The following RFX3 variants were observed in gnomAD, a reference collection of about 807,000 sequenced individuals.
The protein encoded by RFX3 is regulatory factor X3.
RFX3 carries 14 observed loss-of-function variants against 98.6 expected under a neutral mutation model. The observed-to-expected ratio is 0.14, with a 90% CI of 0.09 to 0.22. RFX3 has a LOEUF of 0.22. RFX3 is among the 10% of genes least tolerant of loss of function. The probability of loss-of-function intolerance (pLI) is 1.00; values close to 1 mark genes in which losing one functional copy is unlikely to be tolerated. For synonymous variants in RFX3, 383 were observed against 328.4 expected (o/e 1.17, Z -1.80); for missense variants, 639 against 926.9 (o/e 0.69, Z 4.03).
At chr9:3,260,883 T>A (rs1822790566) in intron 13 of RFX3, among the ~76,000 whole-genome samples, 2 of 149,946 alleles carry the variant, frequency 1.3e-5, no homozygotes. Context: ...ATATCTAATA[T>A]AAAATATTAG....
chr9:3,269,111 GC>G (rs1278583140), intron 11 of RFX3, among the ~76,000 whole-genome samples: 2 of 151,894 alleles, frequency 1.3e-5, no homozygotes, highest in African/African-American at 4.8e-5. Context: ...CAGGAAACTT[GC>G]TGTAGGTAGA....
chr9:3,507,603 T>A (rs551120848), intron 1 of RFX3, among the ~76,000 whole-genome samples: 37 of 151,890 alleles, frequency 2.4e-4, no homozygotes, highest in African/African-American at 8.7e-4. Flanking sequence ...TCCGTAACCA[T>A]GGGGAATTGG....
chr9:3,405,666 C>CT (rs1180348224), intron 1 of RFX3, among the ~76,000 whole-genome samples: 9 of 152,128 alleles, frequency 5.9e-5, no homozygotes, highest in African/African-American at 2.2e-4. Context: ...AGCCAGATTT[C>CT]TTTTTTTCTC....
At chr9:3,292,797 C>T (rs1827556968) in intron 6 of RFX3, among the ~76,000 whole-genome samples, 1 of 152,078 alleles carries the variant, frequency 6.6e-6, no homozygotes, top group South Asian at 2.1e-4. Flanking sequence ...ATATGCAAAT[C>T]TTGCATTAAC....
chr9:3,398,920 A>AT (rs200180688), intron 1 of RFX3, among the ~76,000 whole-genome samples: 3 of 146,852 alleles, frequency 2.0e-5, no homozygotes, highest in African/African-American at 7.7e-5. Context: ...ATAATAAAAA[A>AT]AAAAAAAAAA....
intron 12 of RFX3, among the ~76,000 whole-genome samples, chr9:3,264,702 A>G (rs1224981102): frequency 6.6e-6 from 1 of 152,228 alleles, no homozygotes; most frequent in Non-Finnish European, 1.5e-5. Flanking sequence ...TTTGATTCCA[A>G]AAGCCACAGT....
chr9:3,457,139 CAAAA>C (rs1169959832), intron 1 of RFX3, among the ~76,000 whole-genome samples: 7 of 22,798 alleles, frequency 3.1e-4, no homozygotes, highest in African/African-American at 1.2e-3. Context: ...GACTCCATCT[CAAAA>C]AAAAAAAAAA....
chr9:3,344,974 C>A, intron 3 of RFX3: 2 of 613,704 alleles, frequency 3.3e-6, no homozygotes, highest in South Asian at 3.9e-5. Flanking sequence ...AATTTACTGA[C>A]TTTATTATGT....
At chr9:3,226,449 T>G (rs373229492) in intron 16 of RFX3, among the ~76,000 whole-genome samples, 20 of 152,246 alleles carry the variant, frequency 1.3e-4, no homozygotes, top group African/African-American at 4.8e-4. Context: ...GGCTGTACAG[T>G]GTACAGCCAC....
At chr9:3,420,712 A>G (rs1687472012) in intron 1 of RFX3, 1 of 877,524 alleles carries the variant, frequency 1.1e-6, no homozygotes. Flanking sequence ...AAAGTCAGGA[A>G]TTATTTCTAT....
chr9:3,460,315 G>C (rs1261935556), intron 1 of RFX3, among the ~76,000 whole-genome samples: 1 of 152,096 alleles, frequency 6.6e-6, no homozygotes, highest in Non-Finnish European at 1.5e-5. Context: ...ATTTTCTTAT[G>C]AGATGCAAAT....
chr9:3,487,280 A>T (rs1234130218), intron 1 of RFX3, among the ~76,000 whole-genome samples: 2 of 152,240 alleles, frequency 1.3e-5, no homozygotes, highest in African/African-American at 4.8e-5. Flanking sequence ...CTGTACAAAG[A>T]ATGAGGATAT....
chr9:3,438,908 GATT>G (rs1464545910), intron 1 of RFX3, among the ~76,000 whole-genome samples: 1 of 151,830 alleles, frequency 6.6e-6, no homozygotes, highest in Admixed American at 6.6e-5. Flanking sequence ...CAGAAACCAA[GATT>G]TATAATATTC....
intron 1 of RFX3, among the ~76,000 whole-genome samples, chr9:3,521,584 T>C (rs1818715319): frequency 6.6e-6 from 1 of 152,186 alleles, no homozygotes; most frequent in South Asian, 2.1e-4. Flanking sequence ...AAAGTGAACC[T>C]TAGAAATCAA....
intron 1 of RFX3, among the ~76,000 whole-genome samples, chr9:3,464,930 A>C (rs1003748152): frequency 1.3e-5 from 2 of 152,170 alleles, no homozygotes; most frequent in Non-Finnish European, 2.9e-5. Flanking sequence ...AAAATTCAAA[A>C]GTTATCGGTG....
At chr9:3,495,954 C>A (rs2133576092) in intron 1 of RFX3, among the ~76,000 whole-genome samples, 1 of 152,130 alleles carries the variant, frequency 6.6e-6, no homozygotes, top group South Asian at 2.1e-4. Flanking sequence ...TTTTGTAAAT[C>A]AATGATGAGC....
chr9:3,483,304 C>T (rs1179271858), intron 1 of RFX3, among the ~76,000 whole-genome samples: 2 of 152,132 alleles, frequency 1.3e-5, no homozygotes, highest in Admixed American at 1.3e-4. Context: ...AAATATGCTG[C>T]AACATGGGGT....
chr9:3,513,230 G>A (rs551608711), intron 1 of RFX3, among the ~76,000 whole-genome samples: 1 of 152,126 alleles, frequency 6.6e-6, no homozygotes, highest in Non-Finnish European at 1.5e-5. Flanking sequence ...CTGCTAGAAT[G>A]TTTTTGAATC....
chr9:3,248,238 C>T, intron 14 of RFX3, 53 bp from the exon 15 acceptor site: 1 of 1,517,744 alleles, frequency 6.6e-7, no homozygotes. Flanking sequence ...CAAGAATTAG[C>T]ATTCTACCTA....
Sources: allele counts gnomAD v4.1 joint callset (sites outside exome capture counted in the v4.1 genomes callset), GRCh38; gene constraint gnomAD v4.1.1; transcripts MANE v1.5; gene names NCBI Gene and HGNC (gene_info 2026-07-23, HGNC 2026-07-21).